The following SNAP23 variants were observed in gnomAD, a reference collection of about 807,000 sequenced individuals.
SNAP23 encodes synaptosome associated protein 23.
SNAP23 carries 11 observed loss-of-function variants against 29.0 expected under a neutral mutation model. That is an observed-to-expected ratio of 0.38 (90% CI 0.24 to 0.63). The LOEUF is 0.63. Ranked by LOEUF, SNAP23 falls within the 20% of genes least tolerant of loss-of-function variation. SNAP23 has a pLI of 0.58. For missense variants in SNAP23, 220 were observed against 253.9 expected, an observed-to-expected ratio of 0.87 and a Z score of 0.91; for synonymous variants, 60 against 82.9, an observed-to-expected ratio of 0.72 and a Z score of 1.50.
chr15:42,516,591 A>G (rs538496608), intron 5 of SNAP23, among the ~76,000 whole-genome samples: 1 of 152,226 alleles, frequency 6.6e-6, no homozygotes, highest in Non-Finnish European at 1.5e-5. Flanking sequence ...AACCTCCTCA[A>G]GTGCTGGGAT....
upstream of SNAP23, among the ~76,000 whole-genome samples, chr15:42,493,940 C>T (rs887678758): frequency 2.0e-5 from 3 of 151,976 alleles, no homozygotes; most frequent in African/African-American, 7.3e-5. Context: ...CCCTCCCTGC[C>T]CTCTTCCAAA....
At chr15:42,519,127 T>C (rs191984289) in intron 5 of SNAP23, among the ~76,000 whole-genome samples, 2 of 151,622 alleles carry the variant, frequency 1.3e-5, no homozygotes, top group Admixed American at 1.3e-4. Flanking sequence ...CAGTCTCAGT[T>C]CACTGCAACC....
chr15:42,515,374 T>C lies in SNAP23; in HGVS notation c.266+20T>C. Reference sequence around the variant, plus strand: ...TAATAGGTGAGTTGATAAATTAAGATGGTTTCAAAATAAGTAATGAGAGTA... The same window carrying C: ...TAATAGGTGAGTTGATAAATTAAGACGGTTTCAAAATAAGTAATGAGAGTA... On this transcript the variant is annotated intron_variant, in intron 5 of 7. Coordinates refer to ENST00000249647, the MANE Select transcript of SNAP23 (RefSeq NM_003825.4). 1 of 1,489,904 alleles carries C rather than the reference T, an allele frequency of 6.7e-7. No individual in the cohort carries two copies. The highest frequency in any genetic ancestry group is 9.3e-7 in the Non-Finnish European group (1 of 1,075,044). 92.3% of individuals were successfully genotyped at this position (1,489,904 alleles called of 1,614,324 possible). A position where few individuals can be genotyped will look rare whatever the true frequency, so the allele number is the denominator to read the frequency against.
intron 4 of SNAP23, among the ~76,000 whole-genome samples, chr15:42,514,400 C>G (rs1179393551): frequency 6.7e-6 from 1 of 149,302 alleles, no homozygotes; most frequent in Non-Finnish European, 1.5e-5. Context: ...CCGCCCACGT[C>G]GGCCTCCCGA....
At chr15:42,493,133 G>C (rs903360413), upstream of SNAP23, among the ~76,000 whole-genome samples, 1 of 152,102 alleles carries the variant, frequency 6.6e-6, no homozygotes, top group Non-Finnish European at 1.5e-5. Context: ...CTTGAGTCCA[G>C]GAGTTTGAGA....
chr15:42,500,812 TA>T (rs2057263380), intron 1 of SNAP23, among the ~76,000 whole-genome samples: 1 of 152,208 alleles, frequency 6.6e-6, no homozygotes, highest in African/African-American at 2.4e-5. Context: ...TTTTTTTAAA[TA>T]GTAAGAGTAG....
upstream of SNAP23, chr15:42,495,224 C>T (rs1222743923): frequency 6.6e-6 from 1 of 152,216 alleles, no homozygotes; most frequent in Non-Finnish European, 1.5e-5. Context: ...TTCCAGACAC[C>T]CCTAAGAATA....
chr15:42,515,832 G>A lies in SNAP23; in HGVS notation c.266+478G>A, dbSNP rs534431934. On this transcript the variant is annotated intron_variant, in intron 5 of 7. Transcript: ENST00000249647. ...AAATCTAATGTTAGATTATATGATAGTGACCAAGGCTAGGTATACAGAACT... is the reference window on the plus strand; with the variant it reads ...AAATCTAATGTTAGATTATATGATAATGACCAAGGCTAGGTATACAGAACT... Among the ~76,000 whole-genome samples the A allele has an allele frequency of 5.9e-5, 9 of 152,318 alleles. No homozygotes were observed. The South Asian group carries it at 8.3e-4, about 14-fold the overall frequency.
At chr15:42,526,177 A>G (rs980437212) in intron 5 of SNAP23, among the ~76,000 whole-genome samples, 4 of 152,182 alleles carry the variant, frequency 2.6e-5, no homozygotes, top group African/African-American at 9.6e-5. Flanking sequence ...TTTCTGATAA[A>G]CTAATATATT....
chr15:42,506,581 A>G (rs538183241), intron 1 of SNAP23, among the ~76,000 whole-genome samples: 199 of 152,336 alleles, frequency 1.3e-3, no homozygotes, highest in African/African-American at 4.5e-3. Flanking sequence ...GATTATTTTC[A>G]GCTTCTGAAA....
intron 5 of SNAP23, among the ~76,000 whole-genome samples, chr15:42,519,405 G>A (rs371521469): frequency 1.3e-3 from 190 of 146,534 alleles, no homozygotes; most frequent in Non-Finnish European, 2.3e-3. Flanking sequence ...AGAGTTTTAC[G>A]TTGTCACCCA....
intron 7 of SNAP23, among the ~76,000 whole-genome samples, chr15:42,530,419 T>G (rs73404754): frequency 0.05 from 7,655 of 151,746 alleles, 636 homozygotes; most frequent in African/African-American, 0.17. Context: ...ATGATATAAA[T>G]ATAGTGAAAG....
At chr15:42,492,835 G>A (rs1312057308), upstream of SNAP23, 2 of 152,116 alleles carry the variant, frequency 1.3e-5, no homozygotes, top group African/African-American at 2.4e-5. Context: ...GTTGTGGTAC[G>A]CTGCTCATTC....
At chr15:42,520,537 C>T (rs557321454) in intron 5 of SNAP23, among the ~76,000 whole-genome samples, 195 of 152,160 alleles carry the variant, frequency 1.3e-3, no homozygotes, top group African/African-American at 4.5e-3. Flanking sequence ...CTCTGTTGCC[C>T]AGGCTGGAGT....
intron 1 of SNAP23, among the ~76,000 whole-genome samples, chr15:42,504,660 C>T (rs1382327138): frequency 6.9e-6 from 1 of 144,056 alleles, no homozygotes; most frequent in Non-Finnish European, 1.5e-5. Flanking sequence ...TCTTTTTAAT[C>T]TTCACAAAAA....
chr15:42,492,676 C>CAAAAAAAAA (rs35363727), upstream of SNAP23: 3 of 83,682 alleles, frequency 3.6e-5, no homozygotes, highest in Non-Finnish European at 2.2e-5. Context: ...GACTGCGTCT[C>CAAAAAAAAA]AAAAAAAAAA....
upstream of SNAP23, chr15:42,491,361 C>T (rs571910199): frequency 1.3e-5 from 2 of 152,542 alleles, no homozygotes; most frequent in Admixed American, 6.5e-5. Context: ...CCTTGTTTCT[C>T]CTTGTTCTTT....
intron 5 of SNAP23, chr15:42,521,689 T>C: frequency 1.0e-6 from 1 of 998,022 alleles, no homozygotes; most frequent in Admixed American, 2.1e-5. Context: ...CAGTTTGGGC[T>C]GCTAACCTGC....
intron 1 of SNAP23, among the ~76,000 whole-genome samples, chr15:42,510,836 A>T (rs777821668): frequency 1.3e-5 from 2 of 152,108 alleles, no homozygotes; most frequent in Non-Finnish European, 2.9e-5. Context: ...GATGTTAAGC[A>T]GTTTCCCTGC....
Sources: gnomAD v4.1 joint callset for allele counts (sites outside exome capture counted in the v4.1 genomes callset) on GRCh38, gnomAD v4.1.1 for gene constraint, MANE v1.5 for transcripts, NCBI Gene and HGNC (gene_info 2026-07-23, HGNC 2026-07-21) for gene names.